Variants in ARHGEF33 observed in about 807,000 individuals in gnomAD.
The protein encoded by ARHGEF33 is Rho guanine nucleotide exchange factor 33, also known as DH and coiled-coil domain-containing protein ENSP00000381780.
A neutral mutation model predicts 101.9 loss-of-function variants in ARHGEF33; 72 were observed. The ratio of observed to expected loss-of-function variants is 0.71; its 90% CI spans 0.58 to 0.86. The LOEUF (loss-of-function observed/expected upper bound fraction) is 0.86, where lower values mean the gene tolerates loss of function less well. Ranked by LOEUF, ARHGEF33 falls within the 40% of genes least tolerant of loss-of-function variation. The pLI, the probability that ARHGEF33 is intolerant of heterozygous loss-of-function variation, is 0.00. For missense variants in ARHGEF33, 1,169 were observed against 1,111.3 expected, an observed-to-expected ratio of 1.05 and a Z score of -0.74; for synonymous variants, 499 against 442.5, an observed-to-expected ratio of 1.13 and a Z score of -1.60.
intron 9 of ARHGEF33, among the ~76,000 whole-genome samples, chr2:38,943,393 A>G (rs904469886): frequency 2.6e-5 from 4 of 152,208 alleles, no homozygotes; most frequent in Admixed American, 2.0e-4. Flanking sequence ...ACTGTTCAGT[A>G]TGAAGCCTTC....
chr2:38,949,120 C>T (rs959439372), intron 10 of ARHGEF33, among the ~76,000 whole-genome samples: 2 of 152,040 alleles, frequency 1.3e-5, no homozygotes, highest in African/African-American at 4.8e-5. Context: ...TCACAGAGGT[C>T]ACTTTGCTTT....
intron 14 of ARHGEF33, among the ~76,000 whole-genome samples, chr2:38,957,364 A>G (rs1008302399): frequency 6.6e-6 from 1 of 152,216 alleles, no homozygotes; most frequent in Admixed American, 6.5e-5. Context: ...AAAAGACCAC[A>G]ACATAGTTTT....
intron 9 of ARHGEF33, among the ~76,000 whole-genome samples, chr2:38,942,165 T>C (rs1667327007): frequency 2.5e-5 from 1 of 40,424 alleles, no homozygotes; most frequent in East Asian, 7.7e-4. Context: ...CTCTCCTTTC[T>C]TTTTTTTTTT....
chr2:38,928,785 G>C (rs1029166805), intron 4 of ARHGEF33, 122 bp from the exon 5 acceptor site: 1 of 884,042 alleles, frequency 1.1e-6, no homozygotes, highest in East Asian at 2.7e-5. Context: ...AAGTACACTA[G>C]TAAATGAGGT....
intron 11 of ARHGEF33, 24 bp from the exon 12 acceptor site, chr2:38,953,137 AT>A: frequency 9.1e-7 from 1 of 1,102,554 alleles, no homozygotes; most frequent in Non-Finnish European, 1.4e-6. Context: ...GGTTCTTACC[AT>A]GCATTTTTGT....
chr2:38,896,048 C>T lies in ARHGEF33; in HGVS notation c.-86+199C>T, dbSNP rs557679716. Reference sequence around the variant, plus strand: ...AGCTAGCAGTAAGGGCAAATAGCCACCTTCTAAACCAGCTATGTTACATCA... The same window carrying T: ...AGCTAGCAGTAAGGGCAAATAGCCATCTTCTAAACCAGCTATGTTACATCA... On this transcript the variant is annotated intron_variant, in intron 2 of 17. Coordinates refer to ENST00000409978, the MANE Select transcript of ARHGEF33 (RefSeq NM_001145451.5). 9.2e-5 allele frequency among the ~76,000 whole-genome samples: 14 copies of T among 152,268 alleles called. No homozygotes were observed. The East Asian group carries it at 2.7e-3, about 29-fold the overall frequency.
intron 7 of ARHGEF33, among the ~76,000 whole-genome samples, chr2:38,935,361 T>G (rs1209633603): frequency 6.8e-6 from 1 of 146,902 alleles, no homozygotes; most frequent in Non-Finnish European, 1.5e-5. Context: ...CTGGGTTTTT[T>G]TGGGGGGAGG....
At chr2:38,955,837 C>T (rs772777476) in intron 13 of ARHGEF33, among the ~76,000 whole-genome samples, 6 of 151,988 alleles carry the variant, frequency 3.9e-5, no homozygotes, top group Admixed American at 2.6e-4. Context: ...CCACCACACC[C>T]GGCTAATTTT....
chr2:38,917,639 A>G (rs1338964804), intron 2 of ARHGEF33, among the ~76,000 whole-genome samples: 1 of 151,888 alleles, frequency 6.6e-6, no homozygotes, highest in Non-Finnish European at 1.5e-5. Context: ...GACCAGCCTC[A>G]GTAACATAGT....
chr2:38,962,661 C>G (rs571170576), intron 16 of ARHGEF33, among the ~76,000 whole-genome samples: 1 of 152,062 alleles, frequency 6.6e-6, no homozygotes, highest in East Asian at 1.9e-4. Flanking sequence ...TTCAAGCATG[C>G]AAAGTTCCCA....
intron 11 of ARHGEF33, 119 bp from the exon 12 acceptor site, chr2:38,953,043 A>G (rs1236514869): frequency 3.2e-6 from 2 of 625,092 alleles, no homozygotes; most frequent in East Asian, 2.8e-5. Flanking sequence ...AATGAAGAAC[A>G]TATTAAATGA....
At chr2:38,961,572 C>T (rs1290399351) in intron 16 of ARHGEF33, among the ~76,000 whole-genome samples, 4 of 152,144 alleles carry the variant, frequency 2.6e-5, no homozygotes, top group Non-Finnish European at 5.9e-5. Flanking sequence ...TTCTCATTTT[C>T]GAATGGAAAC....
intron 15 of ARHGEF33, among the ~76,000 whole-genome samples, chr2:38,958,872 G>A (rs531671251): frequency 6.6e-6 from 1 of 152,124 alleles, no homozygotes; most frequent in East Asian, 1.9e-4. Context: ...TAGAGACAGG[G>A]TTTTACCATG....
chr2:38,897,419 C>T (rs567405854), intron 2 of ARHGEF33, among the ~76,000 whole-genome samples: 46 of 152,292 alleles, frequency 3.0e-4, no homozygotes, highest in African/African-American at 9.4e-4. Context: ...CTGAAATGCT[C>T]ATTCAGCTAA....
chr2:38,953,328 C>T (rs1667659604), intron 12 of ARHGEF33, 83 bp downstream of exon 12: 1 of 815,544 alleles, frequency 1.2e-6, no homozygotes, highest in Admixed American at 2.0e-5. Flanking sequence ...CAATACAGCG[C>T]ATGCACTGTG....
At chr2:38,947,655 T>TG (rs1239723801) in intron 10 of ARHGEF33, among the ~76,000 whole-genome samples, 1 of 152,226 alleles carries the variant, frequency 6.6e-6, no homozygotes, top group African/African-American at 2.4e-5. Flanking sequence ...AAGTTGGAGT[T>TG]CTGGGCTTTT....
chr2:38,967,936 CTTTTTTTTTTTTTTTT>C (rs397871559), intron 17 of ARHGEF33, among the ~76,000 whole-genome samples: 1 of 96,366 alleles, frequency 1.0e-5, no homozygotes, highest in Non-Finnish European at 2.1e-5. Context: ...TTGAGCCTAT[CTTTTTTTTTTTTTTTT>C]TTTTTTTTTT....
rs541925394 is a variant in ARHGEF33, at chr2:38,966,009, A to G, written c.2347A>G (p.Met783Val). 3.9e-6 allele frequency: 6 copies of G among 1,551,114 alleles called. No homozygotes were observed. In the South Asian group the frequency reaches 7.2e-5, roughly 18 times the overall value. Reference protein sequence around the residue: ...KQTYLEVRREMHLEDTTRFCP... With the variant: ...KQTYLEVRREVHLEDTTRFCP... ...AATCCCTCTTTTTTGTTTCCAGGAG[A>G]TGCATTTAGAAGATACTACCAGATT... Residue 783 changes from methionine to valine, a missense_variant, in exon 17 of 18, where the codon ATG becomes GTG. Transcript: ENST00000409978.
At chr2:38,965,110 A>G (rs1668025723) in intron 16 of ARHGEF33, among the ~76,000 whole-genome samples, 1 of 151,780 alleles carries the variant, frequency 6.6e-6, no homozygotes, top group East Asian at 1.9e-4. Context: ...CACCTATCTA[A>G]TTCATGAGAC....
Sources: allele counts gnomAD v4.1 joint callset (sites outside exome capture counted in the v4.1 genomes callset), GRCh38; gene constraint gnomAD v4.1.1; transcripts MANE v1.5; gene names NCBI Gene and HGNC (gene_info 2026-07-23, HGNC 2026-07-21).